Variants in NRG1 observed in about 807,000 individuals in gnomAD.
NRG1 encodes pro-neuregulin-1, membrane-bound isoform.
A neutral mutation model predicts 63.8 loss-of-function variants in NRG1; 18 were observed. The ratio of observed to expected loss-of-function variants is 0.28; its 90% CI spans 0.19 to 0.42. The LOEUF is 0.42. Ranked by LOEUF, NRG1 falls within the 10% of genes least tolerant of loss-of-function variation. NRG1 has a pLI of 1.00. For synonymous variants in NRG1, 302 were observed against 301.3 expected (o/e 1.00, Z -0.02); for missense variants, 762 against 814.7 (o/e 0.94, Z 0.79).
intron 1 of NRG1, among the ~76,000 whole-genome samples, chr8:31,988,227 C>A (rs1810420257): frequency 6.6e-6 from 1 of 152,036 alleles, no homozygotes; most frequent in African/African-American, 2.4e-5. Context: ...ACAGGGTGTG[C>A]CACAGACAAT....
chr8:31,663,540 G>T (rs542049306), intron 1 of NRG1, among the ~76,000 whole-genome samples: 4 of 152,238 alleles, frequency 2.6e-5, no homozygotes, highest in Non-Finnish European at 5.9e-5. Context: ...ATGGATAGAA[G>T]ATTGAAGGTC....
intron 1 of NRG1, among the ~76,000 whole-genome samples, chr8:32,350,717 A>G (rs943759778): frequency 1.3e-5 from 2 of 152,048 alleles, no homozygotes; most frequent in African/African-American, 4.8e-5. Context: ...GTATTCTTAT[A>G]TCCTGTATAA....
chr8:31,841,491 G>C (rs1826198807), intron 1 of NRG1, among the ~76,000 whole-genome samples: 1 of 152,132 alleles, frequency 6.6e-6, no homozygotes, highest in Non-Finnish European at 1.5e-5. Context: ...AAATGGTTTA[G>C]AAGGTGAAGA....
At position 32,261,621 on chromosome 8, in the gene NRG1, T is replaced by C. The variant is rs10099352; in HGVS notation, c.38-334207T>C. On this transcript the variant is annotated intron_variant, in intron 1 of 10. Transcript: ENST00000519301. ...ATGCTTGTTCCCCACCCAAAATCTA[T>C]TGAATCAGAATCTCTAGGGAGTGAG... Among the ~76,000 whole-genome samples, 1,222 of 152,186 alleles carry C rather than the reference T, an allele frequency of 8.0e-3. 19 individuals carry two copies. The highest frequency in any genetic ancestry group is 0.027 in the African/African-American group (1,103 of 41,530).
intron 1 of NRG1, among the ~76,000 whole-genome samples, chr8:31,889,099 T>A (rs1830946522): frequency 6.6e-6 from 1 of 152,158 alleles, no homozygotes; most frequent in Admixed American, 6.6e-5. Flanking sequence ...CACTTTATAA[T>A]AATAGAAACT....
chr8:32,171,518 G>A (rs150848403), intron 1 of NRG1: 6,436 of 152,410 alleles, frequency 0.042, 202 homozygotes, highest in Middle Eastern at 0.092. Flanking sequence ...TGGGTGCAGC[G>A]CACCCAGCAT....
intron 1 of NRG1, among the ~76,000 whole-genome samples, chr8:32,562,225 A>G (rs2129527149): frequency 6.6e-6 from 1 of 152,190 alleles, no homozygotes; most frequent in Middle Eastern, 3.4e-3. Context: ...AGCTGGGGGT[A>G]CAGACAACTG....
intron 1 of NRG1, among the ~76,000 whole-genome samples, chr8:31,814,984 C>T (rs1249902095): frequency 6.6e-6 from 1 of 152,132 alleles, no homozygotes; most frequent in African/African-American, 2.4e-5. Context: ...CTAGGAGGAT[C>T]CACACCCTGT....
At chr8:31,646,511 A>G (rs1315291869) in intron 1 of NRG1, among the ~76,000 whole-genome samples, 2 of 152,226 alleles carry the variant, frequency 1.3e-5, no homozygotes, top group Non-Finnish European at 2.9e-5. Flanking sequence ...TGGAAAATGC[A>G]TACCAGTAAT....
intron 1 of NRG1, among the ~76,000 whole-genome samples, chr8:31,889,456 A>G (rs999979474): frequency 1.3e-5 from 2 of 152,198 alleles, no homozygotes; most frequent in African/African-American, 4.8e-5. Context: ...AAGAGAATAC[A>G]TTTCTGAATA....
intron 1 of NRG1, among the ~76,000 whole-genome samples, chr8:32,281,082 G>T (rs1254566451): frequency 1.3e-5 from 2 of 151,608 alleles, no homozygotes; most frequent in African/African-American, 2.4e-5. Flanking sequence ...CACATGTGCA[G>T]GTTTGTTACA....
At chr8:32,202,522 C>G (rs2132305874) in intron 1 of NRG1, among the ~76,000 whole-genome samples, 1 of 152,262 alleles carries the variant, frequency 6.6e-6, no homozygotes. Context: ...GTCAGTGTGA[C>G]AGCCTTTTGG....
chr8:32,035,885 T>C (rs539635689), intron 1 of NRG1, among the ~76,000 whole-genome samples: 13 of 152,214 alleles, frequency 8.5e-5, no homozygotes, highest in Non-Finnish European at 1.8e-4. Context: ...CTTGACTCTT[T>C]ATCCAGCTTT....
At chr8:32,281,743 C>T (rs887215343) in intron 1 of NRG1, among the ~76,000 whole-genome samples, 3 of 152,042 alleles carry the variant, frequency 2.0e-5, no homozygotes, top group African/African-American at 4.8e-5. Context: ...CTACTCAGGA[C>T]ACTGAGGCAG....
At chr8:32,564,620 T>A (rs1837090890) in intron 1 of NRG1, among the ~76,000 whole-genome samples, 1 of 152,208 alleles carries the variant, frequency 6.6e-6, no homozygotes, top group South Asian at 2.1e-4. Flanking sequence ...TGGTATTAGA[T>A]AAAGCATACA....
chr8:32,016,613 T>A (rs1815583449), intron 1 of NRG1, among the ~76,000 whole-genome samples: 1 of 152,226 alleles, frequency 6.6e-6, no homozygotes, highest in African/African-American at 2.4e-5. Flanking sequence ...TTGTTAATAC[T>A]TTCTTAGGAT....
chr8:31,733,481 C>T (rs547833134), intron 1 of NRG1, among the ~76,000 whole-genome samples: 19 of 152,250 alleles, frequency 1.2e-4, no homozygotes, highest in African/African-American at 3.9e-4. Context: ...GAATCCTGGC[C>T]ATGTTCTTTC....
At chr8:32,081,165 C>T (rs1461801009) in intron 1 of NRG1, among the ~76,000 whole-genome samples, 1 of 152,092 alleles carries the variant, frequency 6.6e-6, no homozygotes, top group Non-Finnish European at 1.5e-5. Flanking sequence ...GACCATGGCC[C>T]AGCCAAGTTG....
intron 1 of NRG1, among the ~76,000 whole-genome samples, chr8:32,320,577 C>G (rs1339269359): frequency 6.6e-6 from 1 of 152,090 alleles, no homozygotes. Context: ...AGGTGCTACA[C>G]ACTTTTAAAC....
Sources: allele counts gnomAD v4.1 joint callset (sites outside exome capture counted in the v4.1 genomes callset), GRCh38; gene constraint gnomAD v4.1.1; transcripts MANE v1.5; gene names NCBI Gene and HGNC (gene_info 2026-07-23, HGNC 2026-07-21).